CARMIL1: variants seen among roughly 807,000 people sequenced by gnomAD.
The protein encoded by CARMIL1 is capping protein regulator and myosin 1 linker 1.
A neutral mutation model predicts 177.1 loss-of-function variants in CARMIL1; 90 were observed. That is an observed-to-expected ratio of 0.51 (90% CI 0.43 to 0.61). The LOEUF (loss-of-function observed/expected upper bound fraction) is 0.61, where lower values mean the gene tolerates loss of function less well. Among genes scored for constraint, CARMIL1 ranks in the 20% least tolerant of loss-of-function variants. CARMIL1 has a pLI of 0.00. For synonymous variants in CARMIL1, 577 were observed against 606.2 expected (o/e 0.95, Z 0.71); for missense variants, 1,380 against 1,667.0 (o/e 0.83, Z 3.00).
chr6:25,585,592 G>A (rs1426004725), intron 31 of CARMIL1, among the ~76,000 whole-genome samples: 8 of 151,970 alleles, frequency 5.3e-5, no homozygotes, highest in African/African-American at 9.7e-5. Context: ...GGTGTTTCTC[G>A]TAGAGGGGGA....
chr6:25,482,078 G>A (rs1802170075), intron 11 of CARMIL1, among the ~76,000 whole-genome samples, 179 bp from the exon 12 acceptor site: 1 of 152,160 alleles, frequency 6.6e-6, no homozygotes, highest in African/African-American at 2.4e-5. Flanking sequence ...CTCTTACCCT[G>A]TAGGTAGGAC....
chr6:25,459,269 T>TCTTTCTTTCTCTTTCTTTC (rs56094712), intron 8 of CARMIL1, among the ~76,000 whole-genome samples: 13 of 118,210 alleles, frequency 1.1e-4, no homozygotes, highest in African/African-American at 4.2e-4. Flanking sequence ...TTTCTTTCTT[T>TCTTTCTTTCTCTTTCTTTC]TTTTTTTTTT....
chr6:25,362,373 A>G (rs1427159404), intron 2 of CARMIL1, among the ~76,000 whole-genome samples: 1 of 152,256 alleles, frequency 6.6e-6, no homozygotes, highest in Admixed American at 6.5e-5. Flanking sequence ...CCAGCTATGT[A>G]TAGTTAAAAC....
At chr6:25,315,718 G>A (rs1446437936) in intron 2 of CARMIL1, among the ~76,000 whole-genome samples, 4 of 152,202 alleles carry the variant, frequency 2.6e-5, no homozygotes, top group Non-Finnish European at 4.4e-5. Flanking sequence ...TTGGGAATTG[G>A]CAGGATTTGA....
chr6:25,571,122 TAGTA>T (rs1431081337), intron 29 of CARMIL1, among the ~76,000 whole-genome samples: 1 of 152,172 alleles, frequency 6.6e-6, no homozygotes, highest in Non-Finnish European at 1.5e-5. Flanking sequence ...GAAAATCTAG[TAGTA>T]AGTATTTAGT....
At chr6:25,555,748 C>T (rs1371847939) in intron 28 of CARMIL1, among the ~76,000 whole-genome samples, 1 of 152,128 alleles carries the variant, frequency 6.6e-6, no homozygotes, top group African/African-American at 2.4e-5. Flanking sequence ...ATTGATAACC[C>T]ATGGCTCCAG....
At chr6:25,374,499 G>C (rs1038444385) in intron 2 of CARMIL1, among the ~76,000 whole-genome samples, 11 of 152,176 alleles carry the variant, frequency 7.2e-5, no homozygotes, top group Non-Finnish European at 1.3e-4. Flanking sequence ...CGTATATTTT[G>C]CAGTTCTTGG....
intron 29 of CARMIL1, among the ~76,000 whole-genome samples, chr6:25,569,636 T>G (rs1487190870): frequency 1.3e-5 from 2 of 152,230 alleles, no homozygotes; most frequent in Non-Finnish European, 2.9e-5. Context: ...TGTTAACTAC[T>G]AATTTTTGTC....
At chr6:25,284,992 C>A in intron 2 of CARMIL1, 83 bp downstream of exon 2, 1 of 823,828 alleles carries the variant, frequency 1.2e-6, no homozygotes, top group Non-Finnish European at 2.0e-6. Context: ...TTTCATGCAG[C>A]ATTACTTCTG....
chr6:25,548,379 A>G (rs1240551425), intron 26 of CARMIL1, among the ~76,000 whole-genome samples: 3 of 152,126 alleles, frequency 2.0e-5, no homozygotes, highest in Admixed American at 6.5e-5. Context: ...TGTAGTTGTT[A>G]TTGTTTGAGT....
chr6:25,432,303 A>G (rs1223369543), intron 4 of CARMIL1, among the ~76,000 whole-genome samples: 1 of 152,072 alleles, frequency 6.6e-6, no homozygotes, highest in Non-Finnish European at 1.5e-5. Context: ...TTCTTTTGTA[A>G]TGTTCTCTGG....
intron 1 of CARMIL1, among the ~76,000 whole-genome samples, chr6:25,280,233 TC>T (rs202097640): frequency 0.057 from 8,664 of 152,076 alleles, 739 homozygotes; most frequent in African/African-American, 0.19. Flanking sequence ...CTCGGGAAAG[TC>T]CGGGAAAGCC....
intron 9 of CARMIL1, among the ~76,000 whole-genome samples, chr6:25,467,639 C>A (rs139894083): frequency 6.6e-6 from 1 of 152,184 alleles, no homozygotes; most frequent in Non-Finnish European, 1.5e-5. Flanking sequence ...AAATATGTAC[C>A]TAATCATTTC....
intron 2 of CARMIL1, among the ~76,000 whole-genome samples, chr6:25,360,008 C>A (rs1023957826): frequency 1.3e-5 from 2 of 152,282 alleles, no homozygotes; most frequent in South Asian, 2.1e-4. Flanking sequence ...CTTCTTTCTG[C>A]AGTTTGGCAG....
At chr6:25,281,160 A>ACG (rs1781087464) in intron 1 of CARMIL1, among the ~76,000 whole-genome samples, 1 of 149,934 alleles carries the variant, frequency 6.7e-6, no homozygotes, top group Non-Finnish European at 1.5e-5. Context: ...ACACACACAC[A>ACG]CACACACACG....
intron 2 of CARMIL1, among the ~76,000 whole-genome samples, chr6:25,358,085 T>A (rs1788812569): frequency 6.6e-6 from 1 of 152,314 alleles, no homozygotes; most frequent in East Asian, 1.9e-4. Flanking sequence ...TTTTCGGTAA[T>A]AAAAATTAAT....
In CARMIL1 at chr6:25,515,993, G is replaced by A. The variant is rs1805952136; in HGVS notation, c.1805+146G>A. 2.5e-6 allele frequency: 2 copies of A among 792,094 alleles called. No homozygotes were observed. The highest frequency in any genetic ancestry group is 3.5e-5 in the African/African-American group (2 of 57,310). The allele number at this position is 792,094 out of a possible 1,614,324, so 49.1% of individuals were successfully genotyped here. ...AAGAGGTGACAATGTCAAGATTTCT[G>A]TCAGAATAATGAGGAGGCTGTTCCC... On this transcript the variant is annotated intron_variant, in intron 21 of 36. Transcript: ENST00000329474. The surrounding 1 kb of genome is among the most constrained non-coding windows in gnomAD (Gnocchi z 5.0).
At chr6:25,550,556 A>G (rs1209087521) in intron 26 of CARMIL1, among the ~76,000 whole-genome samples, 3 of 152,138 alleles carry the variant, frequency 2.0e-5, no homozygotes, top group Non-Finnish European at 4.4e-5. Flanking sequence ...GTACCAGGGA[A>G]AACAAGTTCT....
At chr6:25,343,316 C>CT (rs5875030) in intron 2 of CARMIL1, among the ~76,000 whole-genome samples, 1,473 of 135,432 alleles carry the variant, frequency 0.011, 23 homozygotes, top group Admixed American at 0.04. Flanking sequence ...AGTATTTTTG[C>CT]TTTTTTTTTT....
Sources: gnomAD v4.1 joint callset for allele counts (sites outside exome capture counted in the v4.1 genomes callset) on GRCh38, gnomAD v4.1.1 for gene constraint, Gnocchi (gnomAD v3.1) non-coding constraint, MANE v1.5 for transcripts, NCBI Gene and HGNC (gene_info 2026-07-23, HGNC 2026-07-21) for gene names.